CREB3L1: variants seen among roughly 807,000 people sequenced by gnomAD.
CREB3L1 encodes cyclic AMP-responsive element-binding protein 3-like protein 1.
In CREB3L1, 33 loss-of-function variants were observed where a neutral mutation model predicts 54.5. The observed-to-expected ratio is 0.61, with a 90% CI of 0.46 to 0.81. The LOEUF (loss-of-function observed/expected upper bound fraction) is 0.81. Among genes scored for constraint, CREB3L1 ranks in the 30% least tolerant of loss-of-function variants. The pLI is 0.00. For synonymous variants in CREB3L1, 284 were observed against 286.4 expected, an observed-to-expected ratio of 0.99 and a Z score of 0.08; for missense variants, 656 against 673.3, an observed-to-expected ratio of 0.97 and a Z score of 0.29.
At chr11:46,303,813 CAACATAGCAA>C (rs1443636822) in intron 2 of CREB3L1, among the ~76,000 whole-genome samples, 2 of 152,044 alleles carry the variant, frequency 1.3e-5, no homozygotes, top group African/African-American at 4.8e-5. Context: ...CCAGCCTGGG[CAACATAGCAA>C]AACACCTTCT....
At chr11:46,312,713 A>T (rs543785521) in intron 7 of CREB3L1, 43 bp downstream of exon 7, 62 of 1,583,658 alleles carry the variant, frequency 3.9e-5, no homozygotes, top group Non-Finnish European at 4.7e-5. Context: ...CCCTTGCCTG[A>T]CCTGCCCTCC....
intron 5 of CREB3L1, among the ~76,000 whole-genome samples, chr11:46,311,790 C>G (rs1225553624): frequency 2.0e-5 from 3 of 152,238 alleles, no homozygotes; most frequent in African/African-American, 7.2e-5. Context: ...GCCACCGCAT[C>G]TGGTCAGGAA....
At chr11:46,293,572 G>A (rs576017638) in intron 1 of CREB3L1, among the ~76,000 whole-genome samples, 22 of 152,314 alleles carry the variant, frequency 1.4e-4, no homozygotes, top group African/African-American at 4.6e-4. Context: ...CGCGGCTGGC[G>A]CCAGCCTGCT....
chr11:46,315,691 G>A lies in CREB3L1; in HGVS notation c.1032-595G>A, dbSNP rs1413329840. 20 of 175,348 alleles carry A rather than the reference G, an allele frequency of 1.1e-4. 1 individual carries two copies. Among genetic ancestry groups the A allele is most frequent in the South Asian group, 5.9e-4 (3 of 5,094 alleles). 10.9% of individuals were successfully genotyped at this position (175,348 alleles called of 1,614,324 possible). On this transcript the variant is annotated intron_variant, in intron 8 of 11. Transcript: ENST00000621158. ...TACAAAAATTAGCCGGCATGGTGGC[G>A]CACGCCTGTAGTCTCAGCTAGTCAG... is the stretch of plus-strand genomic sequence containing the variant.
intron 1 of CREB3L1, among the ~76,000 whole-genome samples, chr11:46,284,612 C>T (rs1037461362): frequency 1.3e-5 from 2 of 150,884 alleles, no homozygotes; most frequent in Admixed American, 6.6e-5. Flanking sequence ...CAAGATCGCA[C>T]CATTGCACTC....
chr11:46,288,588 C>A (rs1323025019), intron 1 of CREB3L1, among the ~76,000 whole-genome samples: 1 of 152,158 alleles, frequency 6.6e-6, no homozygotes, highest in Non-Finnish European at 1.5e-5. Context: ...AGGCTCTTTC[C>A]TTTGGGTAAA....
chr11:46,310,951 G>T, intron 4 of CREB3L1, 81 bp from the exon 5 acceptor site: 1 of 1,473,332 alleles, frequency 6.8e-7, no homozygotes, highest in Non-Finnish European at 9.0e-7. Context: ...GCTGGTGCAA[G>T]CTCATGCTCA....
At chr11:46,286,249 G>A (rs1170959051) in intron 1 of CREB3L1, among the ~76,000 whole-genome samples, 3 of 152,120 alleles carry the variant, frequency 2.0e-5, no homozygotes, top group Admixed American at 6.5e-5. Context: ...TAGGTGGGTG[G>A]ATAGATAGTA....
Position 46,278,384 on chromosome 11 carries a change from G to T in CREB3L1, c.102+171G>T, listed in dbSNP as rs1938912023. On this transcript the variant is annotated intron_variant, in intron 1 of 11. Coordinates refer to ENST00000621158, the MANE Select transcript of CREB3L1 (RefSeq NM_052854.4). This position sits in a 1 kb window ranked among gnomAD's most constrained non-coding sequence, Gnocchi z 4.2. ...TTGGAGCTAAGCGCCCCTCCTGGGGGCTCAATCTTTGAATACACTGGCCTC... is the reference window on the plus strand; with the variant it reads ...TTGGAGCTAAGCGCCCCTCCTGGGGTCTCAATCTTTGAATACACTGGCCTC... 6.6e-6 allele frequency among the ~76,000 whole-genome samples: 1 copy of T among 152,208 alleles called. No homozygotes were observed. The highest frequency in any genetic ancestry group is 2.4e-5 in the African/African-American group (1 of 41,468).
chr11:46,287,452 CCAT>C (rs1464506783), intron 1 of CREB3L1, among the ~76,000 whole-genome samples: 1 of 152,044 alleles, frequency 6.6e-6, no homozygotes, highest in Non-Finnish European at 1.5e-5. Flanking sequence ...GGACATACCA[CCAT>C]GTCTGGCTAA....
At chr11:46,281,585 T>G (rs189901850) in intron 1 of CREB3L1, among the ~76,000 whole-genome samples, 1 of 152,068 alleles carries the variant, frequency 6.6e-6, no homozygotes, top group Non-Finnish European at 1.5e-5. Flanking sequence ...AGGCCAGGTG[T>G]GGGAGTGACG....
At chr11:46,307,603 A>G (rs1253550329) in intron 2 of CREB3L1, among the ~76,000 whole-genome samples, 1 of 152,112 alleles carries the variant, frequency 6.6e-6, no homozygotes, top group African/African-American at 2.4e-5. Flanking sequence ...TCTGGTGCCC[A>G]AGCTCATTCT....
Position 46,293,116 on chromosome 11 carries a change from G to A in CREB3L1, c.103-6819G>A, listed in dbSNP as rs564362480. Among the ~76,000 whole-genome samples, 16 of 152,338 alleles carry A rather than the reference G, an allele frequency of 1.1e-4. No individual in the cohort carries two copies. The East Asian group carries it at 3.1e-3, about 29-fold the overall frequency. On this transcript the variant is annotated intron_variant, in intron 1 of 11. Transcript: ENST00000621158. ...GTAAATACCGAACAAATGCATGAAT[G>A]ATGAATAAATGAATGTGACTAGATG...
chr11:46,320,445 G>T lies in CREB3L1; in HGVS notation c.1440G>T (p.Lys480Asn). 6.2e-7 allele frequency: 1 copy of T among 1,609,396 alleles called. No individual in the cohort carries two copies. Among genetic ancestry groups the T allele is most frequent in the Non-Finnish European group, 8.5e-7 (1 of 1,177,978 alleles). Reference protein sequence around the residue: ...DHLDSTHETTKYLSEAWPKDG... With the variant: ...DHLDSTHETTNYLSEAWPKDG... ...TGGACAGCACCCACGAGACCACCAA[G>T]TACCTGAGTGAGGCCTGGCCTAAAG... The change falls in exon 11 of 12, where the codon AAG becomes AAT. Residue 480 changes from lysine to asparagine, a missense_variant. Around this residue, in one of 3 missense-constraint regions of CREB3L1, gnomAD observed 240 missense variants for 219.8 expected, o/e 1.09. Transcript: ENST00000621158.
Position 46,312,345 on chromosome 11 carries a change from G to T in CREB3L1, c.774G>T (p.Gly258=). 1.2e-6 allele frequency: 2 copies of T among 1,606,898 alleles called. No individual in the cohort carries two copies. Among genetic ancestry groups the T allele is most frequent in the Non-Finnish European group, 1.7e-6 (2 of 1,176,564 alleles). ...TAPHKLQGTS[G]PLLLTEEEKR... ...TACAGAAATTACAGGGGACATCAGG[G>T]CCACTGCTCCTGACAGAGGAGGAGA... The change falls in exon 6 of 12, where the codon GGG becomes GGT. Residue 258 remains glycine (G), a synonymous_variant. Coordinates refer to ENST00000621158, the MANE Select transcript of CREB3L1 (RefSeq NM_052854.4).
intron 1 of CREB3L1, among the ~76,000 whole-genome samples, chr11:46,283,175 A>C (rs1308019054): frequency 6.6e-6 from 1 of 152,212 alleles, no homozygotes; most frequent in East Asian, 1.9e-4. Flanking sequence ...TGGGCAACAA[A>C]GCCAGACCCT....
chr11:46,313,858 C>T (rs1289849487), intron 8 of CREB3L1, among the ~76,000 whole-genome samples: 1 of 152,200 alleles, frequency 6.6e-6, no homozygotes, highest in East Asian at 1.9e-4. Context: ...GGTTCTTACG[C>T]TGCTCTGCCA....
At chr11:46,310,523 CT>C (rs956197962) in intron 4 of CREB3L1, among the ~76,000 whole-genome samples, 5 of 152,034 alleles carry the variant, frequency 3.3e-5, no homozygotes, top group African/African-American at 1.2e-4. Context: ...CTGTCTCAGC[CT>C]CCCAAAGTGC....
chr11:46,288,826 G>A, intron 1 of CREB3L1, among the ~76,000 whole-genome samples: 1 of 152,184 alleles, frequency 6.6e-6, no homozygotes, highest in Non-Finnish European at 1.5e-5. Flanking sequence ...ATCAGAGCTT[G>A]GGTTCAAATC....
Sources: gnomAD v4.1 joint callset for allele counts (sites outside exome capture counted in the v4.1 genomes callset) on GRCh38, gnomAD v4.1.1 for gene constraint, gnomAD v4.1.1 regional missense constraint, Gnocchi (gnomAD v3.1) non-coding constraint, MANE v1.5 for transcripts, NCBI Gene and HGNC (gene_info 2026-07-23, HGNC 2026-07-21) for gene names.